Variants in DLG2 observed in about 807,000 individuals in gnomAD.
DLG2 encodes disks large homolog 2.
In DLG2, 45 loss-of-function variants were observed where a neutral mutation model predicts 132.5. The ratio of observed to expected loss-of-function variants is 0.34; its 90% CI spans 0.27 to 0.44. The LOEUF (loss-of-function observed/expected upper bound fraction) is 0.44. Ranked by LOEUF, DLG2 falls within the 20% of genes least tolerant of loss-of-function variation. The pLI, the probability that DLG2 is intolerant of heterozygous loss-of-function variation, is 1.00. For missense variants in DLG2, 1,045 were observed against 1,196.9 expected (o/e 0.87, Z 1.87); for synonymous variants, 424 against 419.6 (o/e 1.01, Z -0.13).
intron 3 of DLG2, among the ~76,000 whole-genome samples, chr11:85,313,830 T>C (rs1596161889): frequency 6.6e-6 from 1 of 151,952 alleles, no homozygotes; most frequent in African/African-American, 2.4e-5. Flanking sequence ...CCTACTGAGA[T>C]AATACCTTCC....
At chr11:85,090,391 C>G (rs940650739) in intron 6 of DLG2, among the ~76,000 whole-genome samples, 2 of 152,176 alleles carry the variant, frequency 1.3e-5, no homozygotes, top group African/African-American at 4.8e-5. Flanking sequence ...CTCTCCACAT[C>G]CAATGGTCAG....
chr11:84,731,395 G>A (rs2063134343), intron 6 of DLG2, among the ~76,000 whole-genome samples: 1 of 152,006 alleles, frequency 6.6e-6, no homozygotes, highest in Non-Finnish European at 1.5e-5. Flanking sequence ...GGGGATAAGT[G>A]CTTCGAGGAG....
At chr11:84,025,221 G>T (rs1185442918) in intron 11 of DLG2, among the ~76,000 whole-genome samples, 1 of 152,070 alleles carries the variant, frequency 6.6e-6, no homozygotes, top group Non-Finnish European at 1.5e-5. Flanking sequence ...GGCTGGGGAG[G>T]CCTCACAATC....
intron 19 of DLG2, among the ~76,000 whole-genome samples, chr11:83,583,826 T>C (rs2097028179): frequency 1.3e-5 from 2 of 152,122 alleles, no homozygotes; most frequent in African/African-American, 4.8e-5. Flanking sequence ...TGAAAGAAAA[T>C]AGGTAAGATT....
At chr11:84,790,031 G>A (rs1273292770) in intron 6 of DLG2, among the ~76,000 whole-genome samples, 1 of 152,198 alleles carries the variant, frequency 6.6e-6, no homozygotes, top group Non-Finnish European at 1.5e-5. Flanking sequence ...ATTGTGAAGA[G>A]TGCTGCAGTA....
chr11:84,832,588 T>C (rs1314054863), intron 6 of DLG2, among the ~76,000 whole-genome samples: 2 of 151,562 alleles, frequency 1.3e-5, no homozygotes, highest in Non-Finnish European at 3.0e-5. Flanking sequence ...TATTCAACCA[T>C]GGGATAACTG....
chr11:83,530,739 CT>C (rs2095718429), intron 21 of DLG2, among the ~76,000 whole-genome samples: 1 of 151,788 alleles, frequency 6.6e-6, no homozygotes, highest in Admixed American at 6.6e-5. Flanking sequence ...AAGGTTCTAG[CT>C]GGTGCAATTA....
intron 6 of DLG2, among the ~76,000 whole-genome samples, chr11:84,573,762 T>C (rs2099491591): frequency 6.6e-6 from 1 of 152,138 alleles, no homozygotes; most frequent in Admixed American, 6.6e-5. Flanking sequence ...TGTCCATGAC[T>C]CTAGGTGTTA....
intron 6 of DLG2, among the ~76,000 whole-genome samples, chr11:85,084,176 T>A (rs1387088635): frequency 1.3e-5 from 2 of 152,116 alleles, no homozygotes; most frequent in Non-Finnish European, 2.9e-5. Context: ...AAGGATATTA[T>A]CCATAGAAGA....
At chr11:84,263,244 T>C (rs1298596788) in intron 7 of DLG2, among the ~76,000 whole-genome samples, 2 of 151,952 alleles carry the variant, frequency 1.3e-5, no homozygotes, top group Admixed American at 1.3e-4. Context: ...GCAAGGATGC[T>C]GTATAACTTT....
At chr11:84,704,136 CA>C (rs2059536051) in intron 6 of DLG2, among the ~76,000 whole-genome samples, 1 of 151,088 alleles carries the variant, frequency 6.6e-6, no homozygotes, top group South Asian at 2.1e-4. Flanking sequence ...GACAAGTCTT[CA>C]GGAAGTTTAA....
chr11:84,152,340 G>GTTT (rs561322110), intron 9 of DLG2, among the ~76,000 whole-genome samples: 1 of 148,480 alleles, frequency 6.7e-6, no homozygotes, highest in East Asian at 2.0e-4. Flanking sequence ...CTGTTTGTTT[G>GTTT]TTTGTTTTTT....
chr11:83,977,986 GC>G lies in DLG2; in HGVS notation c.1056+2519del, dbSNP rs1484318026. Among the ~76,000 whole-genome samples the G allele has an allele frequency of 3.3e-5, 5 of 151,982 alleles. No individual in the cohort carries two copies. In the South Asian group the frequency reaches 8.3e-4, roughly 25 times the overall value. ...AAATATTCTATTTACCAGTGCTAAG[GC>G]TTTTTCACAAAACCAGGCAGAGATC... On this transcript the variant is annotated intron_variant, in intron 12 of 27. Coordinates refer to ENST00000376104, the MANE Select transcript of DLG2 (RefSeq NM_001142699.3).
chr11:85,328,610 T>G (rs1235634570), intron 3 of DLG2, among the ~76,000 whole-genome samples: 1 of 116,390 alleles, frequency 8.6e-6, no homozygotes, highest in Non-Finnish European at 1.8e-5. Context: ...AATTAGGTAT[T>G]GATGGGACGT....
In DLG2 at chr11:84,681,570, G is replaced by C. The variant is rs7929184; in HGVS notation, c.358-146839C>G. Among the ~76,000 whole-genome samples, 314 of 152,228 alleles carry C rather than the reference G, an allele frequency of 2.1e-3. 1 individual carries two copies. The highest frequency in any genetic ancestry group is 7.2e-3 in the African/African-American group (300 of 41,538). On this transcript the variant is annotated intron_variant, in intron 6 of 27. Transcript: ENST00000376104. ...CTCTTAATGGCAGAATAAAACTTCA[G>C]AACACAGAGAAGAGAACATGCTGGC...
At chr11:83,625,076 TA>T (rs2062274862) in intron 19 of DLG2, among the ~76,000 whole-genome samples, 2 of 152,244 alleles carry the variant, frequency 1.3e-5, no homozygotes, top group Admixed American at 1.3e-4. Flanking sequence ...ATGATCTTGC[TA>T]AATAAGAATT....
chr11:83,689,317 C>A (rs768890754), intron 18 of DLG2, among the ~76,000 whole-genome samples: 2 of 152,018 alleles, frequency 1.3e-5, no homozygotes, highest in African/African-American at 4.8e-5. Flanking sequence ...GGGGGTTAAC[C>A]ACGGAACTCT....
intron 9 of DLG2, among the ~76,000 whole-genome samples, chr11:84,117,202 T>A (rs1015888004): frequency 8.5e-5 from 13 of 152,200 alleles, no homozygotes; most frequent in African/African-American, 3.1e-4. Context: ...GTTATACCTT[T>A]CCTAAAGCAA....
intron 7 of DLG2, among the ~76,000 whole-genome samples, chr11:84,373,252 A>AAAAAAAAAC: frequency 2.5e-5 from 2 of 79,572 alleles, no homozygotes; most frequent in East Asian, 3.1e-4. Flanking sequence ...AAACAGTCAA[A>AAAAAAAAAC]AAAAAAAAAA....
Sources: allele counts gnomAD v4.1 joint callset (sites outside exome capture counted in the v4.1 genomes callset), GRCh38; gene constraint gnomAD v4.1.1; transcripts MANE v1.5; gene names NCBI Gene and HGNC (gene_info 2026-07-23, HGNC 2026-07-21).